SIK3: variants seen among roughly 807,000 people sequenced by gnomAD.
SIK3 encodes the protein SIK family kinase 3.
In SIK3, 28 loss-of-function variants were observed where a neutral mutation model predicts 144.2. That is an observed-to-expected ratio of 0.19 (90% CI 0.14 to 0.27). The LOEUF is 0.27. Ranked by LOEUF, SIK3 falls within the 10% of genes least tolerant of loss-of-function variation. SIK3 has a pLI of 1.00. For synonymous variants in SIK3, 686 were observed against 676.3 expected, an observed-to-expected ratio of 1.01 and a Z score of -0.22; for missense variants, 1,319 against 1,776.0, an observed-to-expected ratio of 0.74 and a Z score of 4.62.
At chr11:116,880,582 T>A (rs1359633633) in intron 6 of SIK3, among the ~76,000 whole-genome samples, 1 of 152,144 alleles carries the variant, frequency 6.6e-6, no homozygotes, top group Non-Finnish European at 1.5e-5. Flanking sequence ...AAAGCTAGAG[T>A]ATCATCATCA....
At chr11:116,876,212 A>C in intron 8 of SIK3, 41 bp downstream of exon 8, 1 of 1,564,582 alleles carries the variant, frequency 6.4e-7, no homozygotes, top group Non-Finnish European at 8.7e-7. Context: ...GGTTAGAGGA[A>C]CTGCTACATC....
intron 3 of SIK3, among the ~76,000 whole-genome samples, chr11:116,941,441 C>T (rs780222650): frequency 1.4e-5 from 2 of 145,766 alleles, no homozygotes; most frequent in Non-Finnish European, 3.0e-5. Flanking sequence ...CAAACCAGTA[C>T]ATAGTAGTGT....
chr11:117,020,246 T>TATATATATATATATATATACACAC, intron 1 of SIK3, among the ~76,000 whole-genome samples: 3 of 127,296 alleles, frequency 2.4e-5, no homozygotes, highest in African/African-American at 1.0e-4. Flanking sequence ...CATATATATA[T>TATATATATATATATATATACACAC]ACACATACAT....
chr11:117,021,375 G>A (rs1221953894), intron 1 of SIK3, among the ~76,000 whole-genome samples: 1 of 152,118 alleles, frequency 6.6e-6, no homozygotes. Context: ...TTGCTAAACT[G>A]CCTTGGTCAG....
At chr11:117,005,336 GAAAAAAAAA>G (rs35279676) in intron 1 of SIK3, among the ~76,000 whole-genome samples, 76 of 55,978 alleles carry the variant, frequency 1.4e-3, no homozygotes, top group African/African-American at 2.2e-3. Context: ...CCCCGTCTCA[GAAAAAAAAA>G]AAAAAAAAAA....
At chr11:117,032,362 CAAGT>C (rs1565577316) in intron 1 of SIK3, among the ~76,000 whole-genome samples, 3 of 152,200 alleles carry the variant, frequency 2.0e-5, no homozygotes, top group South Asian at 4.1e-4. Flanking sequence ...TTTCAGTATA[CAAGT>C]AAGTCCTATA....
chr11:117,068,368 C>T (rs1207313982), intron 1 of SIK3, among the ~76,000 whole-genome samples: 1 of 152,178 alleles, frequency 6.6e-6, no homozygotes, highest in African/African-American at 2.4e-5. Context: ...TATTTTCTCT[C>T]CCTGGAATGC....
At position 116,849,025 on chromosome 11, in the gene SIK3, G is replaced by T. The variant is rs1942216306; in HGVS notation, c.3819+95C>A. On this transcript the variant is annotated intron_variant, in intron 22 of 24. Transcript: ENST00000445177. The surrounding 1 kb of genome is among the most constrained non-coding windows in gnomAD (Gnocchi z 4.2). The stretch of plus-strand genomic sequence containing the variant: ...AGAAAGGCTGAATGCTGACTGAGGA[G>T]AGCGGCCAAGAGAGGCTACCCCACA... The T allele has an allele frequency of 7.4e-7, 1 of 1,348,442 alleles. No homozygotes were observed. The allele number at this position is 1,348,442 out of a possible 1,614,324, so 83.5% of individuals were successfully genotyped here.
At position 116,943,358 on chromosome 11, in the gene SIK3, C is replaced by T. The variant is rs140161881; in HGVS notation, c.454+10686G>A. 2.7e-3 allele frequency among the ~76,000 whole-genome samples: 409 copies of T among 152,292 alleles called. 1 individual carries two copies. Among genetic ancestry groups the T allele is most frequent in the African/African-American group, 9.5e-3 (395 of 41,554 alleles). On this transcript the variant is annotated intron_variant, in intron 3 of 24. Coordinates refer to ENST00000445177, the MANE Select transcript of SIK3 (RefSeq NM_001366686.3). ...GCAAAGAAGGGCAGCAGGGCTTTTA[C>T]ATCGGGGCCAACACCTCCCATTGAT...
intron 1 of SIK3, among the ~76,000 whole-genome samples, chr11:116,997,081 T>C (rs142798089): frequency 6.6e-6 from 1 of 152,320 alleles, no homozygotes; most frequent in Non-Finnish European, 1.5e-5. Context: ...TACATCTCTC[T>C]GATGTGAACA....
chr11:117,066,253 A>G (rs1327255334), intron 1 of SIK3, among the ~76,000 whole-genome samples: 1 of 151,698 alleles, frequency 6.6e-6, no homozygotes, highest in Non-Finnish European at 1.5e-5. Context: ...ATTTTCATAG[A>G]GATGAGGTTT....
chr11:116,932,676 C>T (rs931457597), intron 3 of SIK3, among the ~76,000 whole-genome samples: 1 of 152,150 alleles, frequency 6.6e-6, no homozygotes, highest in Non-Finnish European at 1.5e-5. Flanking sequence ...TCCTCTATGC[C>T]CCACCATCCC....
At chr11:117,067,520 G>C (rs957441572) in intron 1 of SIK3, among the ~76,000 whole-genome samples, 1 of 152,248 alleles carries the variant, frequency 6.6e-6, no homozygotes, top group African/African-American at 2.4e-5. Flanking sequence ...AGTGGAGGAG[G>C]ATGAGAATGA....
chr11:116,993,088 T>C (rs190817335), intron 1 of SIK3, among the ~76,000 whole-genome samples: 7 of 152,360 alleles, frequency 4.6e-5, no homozygotes, highest in African/African-American at 1.7e-4. Flanking sequence ...AGTCTCACTA[T>C]GTTGCCCAGA....
rs763510221 is a variant in SIK3, at chr11:116,873,447, G to A, written c.1737+34C>T. 8.1e-6 allele frequency: 13 copies of A among 1,613,934 alleles called. No individual in the cohort carries two copies. In the South Asian group the frequency reaches 1.4e-4, roughly 18 times the overall value. ...CACAACCTTTTTATCAAAAGCCTCT[G>A]AGACAGTGAATTGGGCTCTGTGCTG... On this transcript the variant is annotated intron_variant, in intron 13 of 24. Transcript: ENST00000445177.
chr11:116,850,406 A>G (rs1490748004), intron 21 of SIK3, among the ~76,000 whole-genome samples: 2 of 152,212 alleles, frequency 1.3e-5, no homozygotes, highest in African/African-American at 4.8e-5. Flanking sequence ...TTCTATCTGC[A>G]AATAACTGAT....
chr11:117,056,268 C>T (rs898803012), intron 1 of SIK3, among the ~76,000 whole-genome samples: 2 of 151,990 alleles, frequency 1.3e-5, no homozygotes, highest in Non-Finnish European at 2.9e-5. Flanking sequence ...AGCAAACTAT[C>T]GCAGGGACAA....
At chr11:117,097,232 AGAACTAAGG>A (rs1955514385) in intron 1 of SIK3, among the ~76,000 whole-genome samples, 1 of 152,138 alleles carries the variant, frequency 6.6e-6, no homozygotes, top group Non-Finnish European at 1.5e-5. Flanking sequence ...AATCCCTTTG[AGAACTAAGG>A]GCTCGATGAG....
chr11:117,087,457 T>C (rs1955066815), intron 1 of SIK3, among the ~76,000 whole-genome samples: 1 of 151,978 alleles, frequency 6.6e-6, no homozygotes, highest in Non-Finnish European at 1.5e-5. Context: ...AAAGGTTAGA[T>C]TTACACTTGA....
Sources: gnomAD v4.1 joint callset for allele counts (sites outside exome capture counted in the v4.1 genomes callset) on GRCh38, gnomAD v4.1.1 for gene constraint, Gnocchi (gnomAD v3.1) non-coding constraint, MANE v1.5 for transcripts, NCBI Gene and HGNC (gene_info 2026-07-23, HGNC 2026-07-21) for gene names.